DCBLD2: variants seen among roughly 807,000 people sequenced by gnomAD.
DCBLD2 encodes discoidin, CUB and LCCL domain-containing protein 2.
In DCBLD2, 54 loss-of-function variants were observed where a neutral mutation model predicts 86.8. The ratio of observed to expected loss-of-function variants is 0.62; its 90% CI spans 0.50 to 0.78. The LOEUF is 0.78. Among genes scored for constraint, DCBLD2 ranks in the 30% least tolerant of loss-of-function variants. The probability of loss-of-function intolerance (pLI) is 0.00; values close to 1 mark genes in which losing one functional copy is unlikely to be tolerated. For synonymous variants in DCBLD2, 354 were observed against 341.3 expected (o/e 1.04, Z -0.41); for missense variants, 908 against 954.2 (o/e 0.95, Z 0.64).
intron 2 of DCBLD2, among the ~76,000 whole-genome samples, chr3:98,862,729 TAA>T (rs1943067261): frequency 6.6e-6 from 1 of 152,188 alleles, no homozygotes; most frequent in South Asian, 2.1e-4. Flanking sequence ...CTCAAAATAA[TAA>T]GAGTTATTTA....
At chr3:98,863,261 T>C (rs1004334719) in intron 2 of DCBLD2, among the ~76,000 whole-genome samples, 1 of 152,134 alleles carries the variant, frequency 6.6e-6, no homozygotes, top group Admixed American at 6.5e-5. Flanking sequence ...AGAGGAAGAA[T>C]CAATATCATG....
At chr3:98,835,921 T>TCTTC (rs1330711267) in intron 3 of DCBLD2, among the ~76,000 whole-genome samples, 9 of 84,574 alleles carry the variant, frequency 1.1e-4, no homozygotes, top group South Asian at 5.3e-4. Context: ...TTTCTTTCTT[T>TCTTC]CTTCCTTCCT....
rs1318612017 is a variant in DCBLD2 at position 98,800,563 on chromosome 3, G to C, written c.1858+16C>G. On this transcript the variant is annotated intron_variant, in intron 15 of 15. Transcript: ENST00000326840. Reference sequence around the variant, plus strand: ...TTCTCCCTCTGCCTGGTACCAGAAGGCTGCAACATAGTTACCTGCAGAGTC... The same window carrying C: ...TTCTCCCTCTGCCTGGTACCAGAAGCCTGCAACATAGTTACCTGCAGAGTC... The C allele has an allele frequency of 1.2e-6, 2 of 1,605,936 alleles. No homozygotes were observed. The highest frequency in any genetic ancestry group is 2.7e-5 in the African/African-American group (2 of 74,652).
At chr3:98,818,354 T>C (rs1942059622) in intron 8 of DCBLD2, among the ~76,000 whole-genome samples, 1 of 152,224 alleles carries the variant, frequency 6.6e-6, no homozygotes, top group South Asian at 2.1e-4. Flanking sequence ...GATCTCATCA[T>C]TTAAAATGGA....
At chr3:98,857,817 G>T (rs1056374976) in intron 2 of DCBLD2, among the ~76,000 whole-genome samples, 1 of 152,368 alleles carries the variant, frequency 6.6e-6, no homozygotes, top group African/African-American at 2.4e-5. Context: ...CCTTGAGCTA[G>T]ATACAGAGTG....
At chr3:98,860,039 A>G (rs2454679) in intron 2 of DCBLD2, among the ~76,000 whole-genome samples, 147,804 of 152,316 alleles carry the variant, frequency 0.97, 71,871 homozygotes, top group Non-Finnish European at 1. Context: ...ATGACCTGAT[A>G]GAGCTGAAAA....
chr3:98,827,005 G>A (rs1242605168), intron 3 of DCBLD2, among the ~76,000 whole-genome samples: 1 of 152,116 alleles, frequency 6.6e-6, no homozygotes, highest in African/African-American at 2.4e-5. Context: ...GAAATTTTGT[G>A]TTTACTATTC....
chr3:98,800,780 C>G, intron 14 of DCBLD2, 64 bp from the exon 15 acceptor site: 1 of 1,601,048 alleles, frequency 6.2e-7, no homozygotes, highest in South Asian at 1.1e-5. Context: ...ACAGTAGTAT[C>G]AAGAGAAAAA....
Position 98,799,259 on chromosome 3 carries a change from C to T in DCBLD2, c.*113G>A. 4 of 1,199,618 alleles carry T rather than the reference C, an allele frequency of 3.3e-6. No individual in the cohort carries two copies. The East Asian group carries it at 7.4e-5, about 22-fold the overall frequency. 74.3% of individuals were successfully genotyped at this position (1,199,618 alleles called of 1,614,324 possible). The stretch of plus-strand genomic sequence containing the variant: ...CTGTACCTCAGTCACCACATTTTCC[C>T]CAACCACTTCAGTGACAGTTATGTA... On this transcript the variant is annotated 3_prime_UTR_variant, in exon 16 of 16. Transcript: ENST00000326840.
chr3:98,856,308 T>C (rs1434348998), intron 2 of DCBLD2, among the ~76,000 whole-genome samples: 1 of 152,024 alleles, frequency 6.6e-6, no homozygotes. Context: ...ACATTTAGGA[T>C]ACTGAAAGAA....
intron 2 of DCBLD2, among the ~76,000 whole-genome samples, chr3:98,864,432 T>C (rs1047889177): frequency 6.6e-6 from 1 of 152,166 alleles, no homozygotes; most frequent in African/African-American, 2.4e-5. Context: ...CTATTCACAA[T>C]AGCAAAGACT....
chr3:98,804,773 C>A (rs1037684365), intron 13 of DCBLD2, among the ~76,000 whole-genome samples: 30 of 152,262 alleles, frequency 2.0e-4, no homozygotes, highest in African/African-American at 6.5e-4. Context: ...CAAAGAAAAT[C>A]TTTATTTCTG....
intron 3 of DCBLD2, among the ~76,000 whole-genome samples, chr3:98,840,153 T>C (rs1411141233): frequency 3.9e-5 from 6 of 152,046 alleles, no homozygotes; most frequent in African/African-American, 9.7e-5. Context: ...TCAGAGTAGA[T>C]TGAAGGGGGA....
At chr3:98,821,635 T>TAA (rs1400491080) in intron 6 of DCBLD2, among the ~76,000 whole-genome samples, 2 of 151,772 alleles carry the variant, frequency 1.3e-5, no homozygotes. Context: ...TCTAGACTCT[T>TAA]ATGTAGACTT....
chr3:98,838,155 C>T (rs1942517493), intron 3 of DCBLD2, among the ~76,000 whole-genome samples: 1 of 128,488 alleles, frequency 7.8e-6, no homozygotes, highest in South Asian at 2.9e-4. Flanking sequence ...TGACCCCCCC[C>T]ACCTCCCTCC....
At chr3:98,833,741 AC>A (rs1287219061) in intron 3 of DCBLD2, among the ~76,000 whole-genome samples, 1 of 152,112 alleles carries the variant, frequency 6.6e-6, no homozygotes, top group East Asian at 1.9e-4. Context: ...TGGGGTTCAG[AC>A]CAGGCTTCAG....
chr3:98,850,528 G>C (rs1241171514), intron 2 of DCBLD2, among the ~76,000 whole-genome samples: 1 of 152,078 alleles, frequency 6.6e-6, no homozygotes, highest in African/African-American at 2.4e-5. Context: ...TAAAAAGAAA[G>C]AAGAAGAAAA....
At chr3:98,861,818 A>G (rs900633726) in intron 2 of DCBLD2, among the ~76,000 whole-genome samples, 1 of 152,194 alleles carries the variant, frequency 6.6e-6, no homozygotes, top group African/African-American at 2.4e-5. Flanking sequence ...TAAAAGAACT[A>G]GAGAAGCAAG....
chr3:98,859,471 C>T lies in DCBLD2; in HGVS notation c.434-9873G>A, dbSNP rs181962473. On this transcript the variant is annotated intron_variant, in intron 2 of 15. Transcript: ENST00000326840. ...CCCAAGTAGCCTAACTGGGAGGCAC[C>T]CCCCAGTAGGGGCAGACTGATACCT... is the stretch of plus-strand genomic sequence containing the variant. 1.8e-3 allele frequency among the ~76,000 whole-genome samples: 280 copies of T among 152,292 alleles called. 2 individuals are homozygous for T. Among genetic ancestry groups the T allele is most frequent in the South Asian group, 0.018 (86 of 4,822 alleles).
Sources: gnomAD v4.1 joint callset for allele counts (sites outside exome capture counted in the v4.1 genomes callset) on GRCh38, gnomAD v4.1.1 for gene constraint, MANE v1.5 for transcripts, NCBI Gene and HGNC (gene_info 2026-07-23, HGNC 2026-07-21) for gene names.